Variants in SRGAP3 observed in about 807,000 individuals in gnomAD.
SRGAP3 encodes SLIT-ROBO Rho GTPase-activating protein 3.
Under a neutral mutation model 121.1 loss-of-function variants are expected in SRGAP3, and 39 were observed. The observed-to-expected ratio is 0.32, with a 90% CI of 0.25 to 0.42. SRGAP3 has a LOEUF of 0.42. SRGAP3 is among the 10% of genes least tolerant of loss of function. SRGAP3 has a pLI of 1.00. For missense variants in SRGAP3, 1,213 were observed against 1,470.6 expected, an observed-to-expected ratio of 0.82 and a Z score of 2.86; for synonymous variants, 601 against 570.0, an observed-to-expected ratio of 1.05 and a Z score of -0.77.
chr3:9,194,936 C>A (rs1951872519), intron 1 of SRGAP3, among the ~76,000 whole-genome samples: 1 of 152,322 alleles, frequency 6.6e-6, no homozygotes, highest in East Asian at 1.9e-4. Context: ...CCACCCCCAC[C>A]GTCCCCACAC....
At chr3:9,335,382 T>G (rs1029128524) in intron 1 of SRGAP3, among the ~76,000 whole-genome samples, 1 of 152,240 alleles carries the variant, frequency 6.6e-6, no homozygotes, top group South Asian at 2.1e-4. Context: ...CTAATTTTTT[T>G]AAATGGAAAA....
intron 9 of SRGAP3, 69 bp downstream of exon 9, chr3:9,052,958 G>A (rs777383207): frequency 6.3e-7 from 1 of 1,576,790 alleles, no homozygotes; most frequent in Non-Finnish European, 8.7e-7. Context: ...AGTAGCTTGG[G>A]TTGCTCCTGA....
At chr3:9,151,073 G>T (rs1230127442) in intron 1 of SRGAP3, among the ~76,000 whole-genome samples, 2 of 152,218 alleles carry the variant, frequency 1.3e-5, no homozygotes, top group African/African-American at 4.8e-5. Context: ...GTCTTTACCT[G>T]GGATGGCTTG....
chr3:9,157,476 C>T (rs577120993), intron 1 of SRGAP3, among the ~76,000 whole-genome samples: 6 of 152,194 alleles, frequency 3.9e-5, no homozygotes, highest in Non-Finnish European at 8.8e-5. Context: ...AAGATAATAA[C>T]AATAACATGT....
chr3:9,083,240 C>T (rs570300250), intron 3 of SRGAP3, among the ~76,000 whole-genome samples: 1 of 152,268 alleles, frequency 6.6e-6, no homozygotes, highest in South Asian at 2.1e-4. Context: ...ACCTTTGACA[C>T]CCAAGACCCT....
chr3:9,174,997 A>G (rs943572000), intron 1 of SRGAP3, among the ~76,000 whole-genome samples: 7 of 152,090 alleles, frequency 4.6e-5, no homozygotes, highest in African/African-American at 1.4e-4. Flanking sequence ...TGGGGGTGAT[A>G]GCACTCAGTG....
At chr3:9,104,269 G>A (rs1296922604) in intron 3 of SRGAP3, among the ~76,000 whole-genome samples, 2 of 152,016 alleles carry the variant, frequency 1.3e-5, no homozygotes, top group South Asian at 4.1e-4. Flanking sequence ...ACAAATCTAA[G>A]CACTCTCAGA....
At chr3:9,268,186 A>G (rs1183959698) in intron 3 of SRGAP3, among the ~76,000 whole-genome samples, 1 of 152,064 alleles carries the variant, frequency 6.6e-6, no homozygotes, top group Non-Finnish European at 1.5e-5. Flanking sequence ...CCCCAATGTG[A>G]TGGTATTTGG....
intron 4 of SRGAP3, among the ~76,000 whole-genome samples, chr3:9,075,285 C>G (rs1027501863): frequency 2.6e-5 from 4 of 152,118 alleles, no homozygotes; most frequent in Admixed American, 1.3e-4. Context: ...TGTGCGCACG[C>G]TTGCATATAT....
At chr3:9,173,812 C>T (rs1951073422) in intron 1 of SRGAP3, among the ~76,000 whole-genome samples, 2 of 152,206 alleles carry the variant, frequency 1.3e-5, no homozygotes, top group Non-Finnish European at 2.9e-5. Context: ...CATCACGGGA[C>T]ATATTGCAGT....
chr3:9,009,514 T>A (rs1943251161), intron 18 of SRGAP3, among the ~76,000 whole-genome samples: 1 of 152,220 alleles, frequency 6.6e-6, no homozygotes, highest in Non-Finnish European at 1.5e-5. Flanking sequence ...GATATTGTGT[T>A]CATTTTTTTT....
intron 1 of SRGAP3, among the ~76,000 whole-genome samples, chr3:9,133,858 C>G (rs1175905253): frequency 6.6e-6 from 1 of 152,134 alleles, no homozygotes; most frequent in Non-Finnish European, 1.5e-5. Flanking sequence ...TCCAAAATAG[C>G]CTTAGGTTTG....
intron 1 of SRGAP3, among the ~76,000 whole-genome samples, chr3:9,142,897 GC>G (rs1057193325): frequency 1.5e-5 from 2 of 136,700 alleles, no homozygotes; most frequent in African/African-American, 5.4e-5. Context: ...GAGTATAGTG[GC>G]GTGATCTCGG....
At chr3:9,270,937 G>A (rs1265400881) in intron 3 of SRGAP3, among the ~76,000 whole-genome samples, 1 of 152,096 alleles carries the variant, frequency 6.6e-6, no homozygotes, top group African/African-American at 2.4e-5. Context: ...GCATGTATGT[G>A]TATGCTGTGC....
intron 3 of SRGAP3, among the ~76,000 whole-genome samples, chr3:9,297,078 T>C (rs941235227): frequency 2.6e-5 from 4 of 152,132 alleles, no homozygotes; most frequent in African/African-American, 9.7e-5. Context: ...AGAAACAAGG[T>C]CTCACTATGT....
chr3:9,046,949 G>A (rs1455419736), intron 10 of SRGAP3, among the ~76,000 whole-genome samples: 2 of 151,800 alleles, frequency 1.3e-5, no homozygotes, highest in East Asian at 3.9e-4. Flanking sequence ...TCCTGCCTCA[G>A]CCTCCCGAGT....
intron 3 of SRGAP3, among the ~76,000 whole-genome samples, chr3:9,318,567 C>G (rs1955386600): frequency 6.6e-6 from 1 of 151,760 alleles, no homozygotes; most frequent in African/African-American, 2.4e-5. Context: ...CCCCTGAGAA[C>G]TTAAAGCTTT....
chr3:9,201,533 A>C (rs1952067871), intron 1 of SRGAP3, among the ~76,000 whole-genome samples: 1 of 152,224 alleles, frequency 6.6e-6, no homozygotes, highest in African/African-American at 2.4e-5. Context: ...TGCTCCCAGC[A>C]AAGGCTTGGC....
chr3:9,027,678 T>C (rs1287628392), intron 12 of SRGAP3, among the ~76,000 whole-genome samples: 2 of 152,238 alleles, frequency 1.3e-5, no homozygotes, highest in Non-Finnish European at 2.9e-5. Context: ...GGGATGTGAA[T>C]GTATTTTCAA....
Sources: allele counts gnomAD v4.1 joint callset (sites outside exome capture counted in the v4.1 genomes callset), GRCh38; gene constraint gnomAD v4.1.1; transcripts MANE v1.5; gene names NCBI Gene and HGNC (gene_info 2026-07-23, HGNC 2026-07-21).